The following CSMD1 variants were observed in gnomAD, a reference collection of about 807,000 sequenced individuals.
CSMD1 encodes the protein CUB and Sushi multiple domains 1, also known as CUB and sushi domain-containing protein 1.
In CSMD1, 213 loss-of-function variants were observed where a neutral mutation model predicts 417.5. That is an observed-to-expected ratio of 0.51 (90% CI 0.46 to 0.57). The LOEUF (loss-of-function observed/expected upper bound fraction) is 0.57. CSMD1 is among the 20% of genes least tolerant of loss of function. CSMD1 has a pLI of 0.00. For synonymous variants in CSMD1, 2,862 were observed against 1,736.8 expected, an observed-to-expected ratio of 1.65 and a Z score of -16.11; for missense variants, 6,923 against 4,529.7, an observed-to-expected ratio of 1.53 and a Z score of -15.17.
chr8:2,946,719 G>A (rs150000280), intron 68 of CSMD1, among the ~76,000 whole-genome samples: 2,129 of 152,312 alleles, frequency 0.014, 45 homozygotes, highest in Middle Eastern at 0.017. Context: ...CAAGTTTTGT[G>A]TGACATATTT....
chr8:4,229,305 A>G (rs1585060306), intron 3 of CSMD1, among the ~76,000 whole-genome samples: 2 of 152,158 alleles, frequency 1.3e-5, no homozygotes, highest in Non-Finnish European at 2.9e-5. Flanking sequence ...TTGAGCCACC[A>G]TTATCTATCA....
At position 3,564,213 on chromosome 8, in the gene CSMD1, C is replaced by T. The variant is rs181993035; in HGVS notation, c.1344+10732G>A. ...ATAAATTATCATTAACTATAATTTT[C>T]CTACTCTACTATTGAATACTAGAAT... On this transcript the variant is annotated intron_variant, in intron 10 of 69. Transcript: ENST00000635120. Among the ~76,000 whole-genome samples, 222 of 152,240 alleles carry T rather than the reference C, an allele frequency of 1.5e-3. 3 individuals carry two copies. Among genetic ancestry groups the T allele is most frequent in the African/African-American group, 4.9e-3 (204 of 41,532 alleles).
intron 1 of CSMD1, among the ~76,000 whole-genome samples, chr8:4,914,546 C>A (rs1301768128): frequency 6.8e-6 from 1 of 148,104 alleles, no homozygotes; most frequent in African/African-American, 2.5e-5. Context: ...CCACTGCACT[C>A]CAGCCTGGGA....
At chr8:4,019,400 T>A (rs770537917) in intron 4 of CSMD1, among the ~76,000 whole-genome samples, 1 of 152,174 alleles carries the variant, frequency 6.6e-6, no homozygotes, top group Non-Finnish European at 1.5e-5. Context: ...TACTACCAAG[T>A]CTGCTTTTAG....
At chr8:4,238,852 A>C (rs1802221250) in intron 3 of CSMD1, among the ~76,000 whole-genome samples, 1 of 152,158 alleles carries the variant, frequency 6.6e-6, no homozygotes, top group Non-Finnish European at 1.5e-5. Flanking sequence ...TACATTTTTA[A>C]AAATCGATAG....
At chr8:4,015,057 G>A (rs1309877374) in intron 4 of CSMD1, among the ~76,000 whole-genome samples, 1 of 152,058 alleles carries the variant, frequency 6.6e-6, no homozygotes, top group Non-Finnish European at 1.5e-5. Flanking sequence ...TTTTAATTTT[G>A]ATACGATTTA....
chr8:4,884,228 C>A (rs1803584223), intron 1 of CSMD1, among the ~76,000 whole-genome samples: 1 of 151,900 alleles, frequency 6.6e-6, no homozygotes, highest in African/African-American at 2.4e-5. Context: ...TGTGTACACA[C>A]ACACATACCT....
intron 3 of CSMD1, among the ~76,000 whole-genome samples, chr8:4,288,412 G>A (rs750043177): frequency 6.6e-6 from 1 of 152,108 alleles, no homozygotes; most frequent in Non-Finnish European, 1.5e-5. Flanking sequence ...TCTCAGGCTT[G>A]TTCACACAAA....
intron 3 of CSMD1, among the ~76,000 whole-genome samples, chr8:4,390,237 T>C (rs1010886778): frequency 9.9e-5 from 15 of 152,164 alleles, no homozygotes; most frequent in Admixed American, 5.2e-4. Flanking sequence ...TTGTGCCTTC[T>C]TCTTGGGGAA....
intron 3 of CSMD1, among the ~76,000 whole-genome samples, chr8:4,312,252 C>G (rs928260948): frequency 6.6e-6 from 1 of 151,462 alleles, no homozygotes; most frequent in South Asian, 2.1e-4. Context: ...TATTGCAATC[C>G]TAATTTATTG....
chr8:4,918,996 A>G (rs538933421), intron 1 of CSMD1, among the ~76,000 whole-genome samples: 1 of 152,320 alleles, frequency 6.6e-6, no homozygotes, highest in East Asian at 1.9e-4. Flanking sequence ...GGCACCTAAA[A>G]TACATGTACC....
At chr8:4,108,456 C>G (rs1230338620) in intron 3 of CSMD1, among the ~76,000 whole-genome samples, 1 of 152,154 alleles carries the variant, frequency 6.6e-6, no homozygotes, top group Non-Finnish European at 1.5e-5. Flanking sequence ...ATGAAGGGCT[C>G]TGCTTTAAAA....
intron 52 of CSMD1, among the ~76,000 whole-genome samples, chr8:3,011,471 A>C (rs1171802166): frequency 6.6e-6 from 1 of 152,044 alleles, no homozygotes; most frequent in Non-Finnish European, 1.5e-5. Flanking sequence ...TGACTATCTA[A>C]GAACTATGAA....
At chr8:3,291,909 T>C (rs1433100222) in intron 25 of CSMD1, among the ~76,000 whole-genome samples, 1 of 152,114 alleles carries the variant, frequency 6.6e-6, no homozygotes, top group East Asian at 1.9e-4. Flanking sequence ...GTTCTTTTAA[T>C]TGTGATGTTA....
At chr8:3,149,537 G>T (rs999213847) in intron 40 of CSMD1, among the ~76,000 whole-genome samples, 7 of 152,124 alleles carry the variant, frequency 4.6e-5, no homozygotes, top group South Asian at 2.1e-4. Context: ...GAGCGCAGTG[G>T]CGTGATCGTG....
At position 4,139,636 on chromosome 8, in the gene CSMD1, G is replaced by A. The variant is rs142511784; in HGVS notation, c.416-107537C>T. 1.7e-3 allele frequency among the ~76,000 whole-genome samples: 250 copies of A among 151,194 alleles called. 19 individuals are homozygous for A. Among genetic ancestry groups the A allele is most frequent in the African/African-American group, 5.9e-3 (241 of 40,524 alleles). On this transcript the variant is annotated intron_variant, in intron 3 of 69. Transcript: ENST00000635120. ...CAGAGGAAGGGCATTTGGAATAGTG[G>A]GACCAGCAGATGCAAGGGCAAAGGG...
chr8:4,836,223 TA>T (rs1800481007), intron 1 of CSMD1, among the ~76,000 whole-genome samples: 1 of 152,196 alleles, frequency 6.6e-6, no homozygotes, highest in African/African-American at 2.4e-5. Flanking sequence ...AGGTATTAGA[TA>T]GGTTAATTAA....
intron 36 of CSMD1, among the ~76,000 whole-genome samples, chr8:3,182,619 TGTG>T (rs1821421539): frequency 1.3e-4 from 8 of 61,492 alleles, no homozygotes; most frequent in African/African-American, 3.1e-4. Context: ...TGTGTGTGTG[TGTG>T]TGTGTGTGTG....
intron 3 of CSMD1, among the ~76,000 whole-genome samples, chr8:4,076,229 C>T (rs556778892): frequency 1.3e-5 from 2 of 152,114 alleles, no homozygotes; most frequent in Admixed American, 1.3e-4. Context: ...GCTTTTCCCC[C>T]GTTTCTTGGC....
Sources: allele counts gnomAD v4.1 joint callset (sites outside exome capture counted in the v4.1 genomes callset), GRCh38; gene constraint gnomAD v4.1.1; transcripts MANE v1.5; gene names NCBI Gene and HGNC (gene_info 2026-07-23, HGNC 2026-07-21).